The following TTN variants were observed in gnomAD, a reference collection of about 807,000 sequenced individuals.
The protein encoded by TTN is connectin.
TTN carries 1,525 observed loss-of-function variants against 3,223.0 expected under a neutral mutation model. The ratio of observed to expected loss-of-function variants is 0.47; its 90% CI spans 0.45 to 0.49. TTN has a LOEUF of 0.49. TTN is among the 20% of genes least tolerant of loss of function. The pLI, the probability that TTN is intolerant of heterozygous loss-of-function variation, is 0.00. For synonymous variants in TTN, 14,094 were observed against 15,161.0 expected (o/e 0.93, Z 5.17); for missense variants, 40,786 against 43,424.0 (o/e 0.94, Z 5.40).
rs1686725786 is a variant in TTN at position 178,527,112 on chromosome 2, A to G, written c.107876T>C (p.Met35959Thr). 1 of 1,614,010 alleles carries G rather than the reference A, an allele frequency of 6.2e-7. No homozygotes were observed. The highest frequency in any genetic ancestry group is 1.7e-5 in the Admixed American group (1 of 60,028). ...NTDDLTTLIIMDVQKQDGGLY... is the reference protein window; with the variant it reads ...NTDDLTTLIITDVQKQDGGLY... ...TCCACCATCTTGTTTCTGTACGTCC[A>G]TGATGATCAGGGTTGTCAGGTCATC... Residue 35959 changes from methionine to threonine, a missense_variant, in exon 363 of 363, where the codon ATG becomes ACG. Physicochemically the swap from Met to Thr is moderately conservative, Grantham distance 81 (BLOSUM62 -1). Coordinates refer to ENST00000589042, the MANE Select transcript of TTN (RefSeq NM_001267550.2).
intron 157 of TTN, 98 bp from the exon 158 acceptor site, chr2:178,669,773 A>C: frequency 1.7e-6 from 2 of 1,164,892 alleles, no homozygotes; most frequent in Non-Finnish European, 2.5e-6. Context: ...GAACGCCAAA[A>C]ACCCCTCAAT....
chr2:178,564,041 A>G lies in TTN; in HGVS notation c.82091T>C (p.Val27364Ala), dbSNP rs981687121. 6 of 1,613,638 alleles carry G rather than the reference A, an allele frequency of 3.7e-6. No individual in the cohort carries two copies. In the African/African-American group the frequency reaches 8.0e-5, roughly 22 times the overall value. Residue 27364 changes from valine to alanine, a missense_variant, in exon 326 of 363, where the codon GTA becomes GCA. By Grantham distance (64) the Val-to-Ala change is moderately conservative. Transcript: ENST00000589042. ...VGGTKSIPIT[V>A]KVLDRPGPPE... ...AGGCCCTGGCCTGTCAAGTACCTTT[A>G]CAGTGATGGGTATAGACTTTGTACC...
chr2:178,565,358 CTTG>C lies in TTN; in HGVS notation c.80771_80773del (p.Thr26924del), dbSNP rs1705358099. 1.9e-6 allele frequency: 3 copies of C among 1,613,598 alleles called. No homozygotes were observed. The highest frequency in any genetic ancestry group is 2.5e-6 in the Non-Finnish European group (3 of 1,179,662). On this transcript the variant is annotated inframe_deletion, in exon 326 of 363. Transcript: ENST00000589042. ...GGTAGCTGTTTCTTCAACGTTTACTCTTGTTGTCTGTTTAAGAGGCTCACCATC... is the reference window on the plus strand; with the variant it reads ...GGTAGCTGTTTCTTCAACGTTTACTCTTGTCTGTTTAAGAGGCTCACCATC...
At chr2:178,767,985 C>A in intron 39 of TTN, 29 bp downstream of exon 39, 1 of 1,614,064 alleles carries the variant, frequency 6.2e-7, no homozygotes, top group Non-Finnish European at 8.5e-7. Flanking sequence ...CTGGGAATTA[C>A]TGGAATGTAG....
At chr2:178,721,276 A>C in intron 78 of TTN, 74 bp from the exon 79 acceptor site, 1 of 1,246,294 alleles carries the variant, frequency 8.0e-7, no homozygotes, top group Non-Finnish European at 1.0e-6. Context: ...TTGTAGCTGA[A>C]GATCCCATAA....
chr2:178,702,112 A>G, intron 108 of TTN, 46 bp from the exon 109 acceptor site: 2 of 1,613,482 alleles, frequency 1.2e-6, no homozygotes, highest in Non-Finnish European at 1.7e-6. Context: ...AGAATGGTAT[A>G]GGTAGGCTAC....
In TTN at chr2:178,756,807, C is replaced by G. The variant is rs397517832; in HGVS notation, c.10679-10G>C. ...CTATCTAGGGCTTGCACTGTATAATCAAGTGACAAGAAAAAGAAAAGAATA... is the reference window on the plus strand; with the variant it reads ...CTATCTAGGGCTTGCACTGTATAATGAAGTGACAAGAAAAAGAAAAGAATA... On this transcript the variant is annotated splice_polypyrimidine_tract_variant and intron_variant, in intron 45 of 362. Transcript: ENST00000589042. 4.4e-6 allele frequency: 7 copies of G among 1,606,148 alleles called. No homozygotes were observed. In the African/African-American group the frequency reaches 8.1e-5, roughly 18 times the overall value.
In TTN at chr2:178,564,985, A is replaced by G. The variant is rs765706611; in HGVS notation, c.81147T>C (p.Ala27049=). 10 of 1,611,988 alleles carry G rather than the reference A, an allele frequency of 6.2e-6. No homozygotes were observed. In the African/African-American group the frequency reaches 1.3e-4, roughly 22 times the overall value. The change falls in exon 326 of 363, where the codon GCT becomes GCC. Residue 27049 remains alanine (A), a synonymous_variant. Coordinates refer to ENST00000589042, the MANE Select transcript of TTN (RefSeq NM_001267550.2). ...GGGCACTTTTTCCATACCTGTTTTC[A>G]GCAAAAATTCTAAACTGGTACTCCG... is the stretch of plus-strand genomic sequence containing the variant. The part of the protein sequence containing the change: ...TGTEYQFRIF[A]ENRYGKSAPL...
intron 218 of TTN, among the ~76,000 whole-genome samples, chr2:178,643,231 T>C (rs1344036124): frequency 6.6e-6 from 1 of 152,056 alleles, no homozygotes; most frequent in Non-Finnish European, 1.5e-5. Flanking sequence ...TAAAACTTCC[T>C]ATTTAGGGCT....
Position 178,756,235 on chromosome 2 carries a change from T to A in TTN, c.11241A>T (p.Leu3747=). The part of the protein sequence containing the change: ...DCGERTTSAV[L]SVEGAPESIL... The stretch of plus-strand genomic sequence containing the variant: ...AAATCAATTAACCACCTTCTACACT[T>A]AGTACTGCTGACGTTGTCCTCTCTC... The change falls in exon 46 of 363, where the codon CTA becomes CTT. Residue 3747 remains leucine, a synonymous_variant. Transcript: ENST00000589042. The A allele has an allele frequency of 6.2e-7, 1 of 1,609,802 alleles. No individual in the cohort carries two copies. The highest frequency in any genetic ancestry group is 8.5e-7 in the Non-Finnish European group (1 of 1,176,834).
Position 178,696,714 on chromosome 2 carries a change from T to A in TTN, c.30802+407A>T, listed in dbSNP as rs183315615. 1.1e-3 allele frequency among the ~76,000 whole-genome samples: 165 copies of A among 152,232 alleles called. 1 individual carries two copies. Among genetic ancestry groups the A allele is most frequent in the African/African-American group, 3.8e-3 (156 of 41,572 alleles). On this transcript the variant is annotated intron_variant, in intron 113 of 362. Transcript: ENST00000589042. ...CTAGGTTTTTGACTATTGCATATGA[T>A]CCCTTAGTCAGTTTCATAAAAACAA...
intron 257 of TTN, 124 bp from the exon 258 acceptor site, chr2:178,615,912 T>A: frequency 8.9e-7 from 1 of 1,117,634 alleles, no homozygotes; most frequent in Non-Finnish European, 1.2e-6. Flanking sequence ...TATTCTTACA[T>A]TAATTTCATA....
intron 21 of TTN, among the ~76,000 whole-genome samples, chr2:178,780,460 A>T (rs535446202): frequency 6.6e-6 from 1 of 152,322 alleles, no homozygotes; most frequent in Non-Finnish European, 1.5e-5. Context: ...TCTACCACGG[A>T]GGACTTCCTA....
chr2:178,712,156 T>C lies in TTN; in HGVS notation c.27674A>G (p.Gln9225Arg), dbSNP rs2076750199. The C allele has an allele frequency of 1.9e-6, 3 of 1,613,818 alleles. No homozygotes were observed. The highest frequency in any genetic ancestry group is 2.5e-6 in the Non-Finnish European group (3 of 1,179,784). ...TTCAGGGGTTCCAGCAAGCTGGCAT[T>C]GTAGAGAGGCAGAATCTCCAACAGA... The part of the protein sequence containing the change: ...KVSVGDSASL[Q>R]CQLAGTPEIG... Residue 9225 changes from glutamine (Q) to arginine (R), a missense_variant, in exon 96 of 363, where the codon CAA becomes CGA. Transcript: ENST00000589042.
At chr2:178,675,359 CTT>C (rs563332904) in intron 149 of TTN, 1,022 of 320,512 alleles carry the variant, frequency 3.2e-3, no homozygotes, top group East Asian at 4.1e-3. Flanking sequence ...TTTCTTTTGT[CTT>C]TTTTTTTTTT....
At position 178,747,918 on chromosome 2, in the gene TTN, G is replaced by C. The variant is rs779033177; in HGVS notation, c.11311+5206C>G. On this transcript the variant is annotated intron_variant, in intron 47 of 362. Coordinates refer to ENST00000589042, the MANE Select transcript of TTN (RefSeq NM_001267550.2). ...ATCAAGAGTGGGAAGCACTGACTCA[G>C]GGAGAGCTGTCTATGGAGTGTGTCA... The C allele has an allele frequency of 2.5e-6, 4 of 1,613,012 alleles. No homozygotes were observed. The Admixed American group carries it at 5.0e-5, about 20-fold the overall frequency.
chr2:178,750,341 T>C, intron 47 of TTN: 1 of 1,613,230 alleles, frequency 6.2e-7, no homozygotes. Context: ...TCCATATTGG[T>C]TAAATAGCAC....
rs767063292 is a variant in TTN at position 178,731,662 on chromosome 2, A to G, written c.17182+31T>C. The G allele has an allele frequency of 3.8e-6, 6 of 1,582,234 alleles. No individual in the cohort carries two copies. In the South Asian group the frequency reaches 7.0e-5, roughly 18 times the overall value. ...AAAAAAAAGAATTGACTCTTCAGAA[A>G]AGCCAGTCCCTCACTGGAACCAACA... On this transcript the variant is annotated intron_variant, in intron 58 of 362. Coordinates refer to ENST00000589042, the MANE Select transcript of TTN (RefSeq NM_001267550.2).
chr2:178,757,454 T>G, intron 45 of TTN, 88 bp downstream of exon 45: 5 of 1,450,398 alleles, frequency 3.4e-6, no homozygotes, highest in Non-Finnish European at 4.5e-6. Context: ...CAGTATGCAA[T>G]AAAACAAACA....
Sources: allele counts gnomAD v4.1 joint callset (sites outside exome capture counted in the v4.1 genomes callset), GRCh38; gene constraint gnomAD v4.1.1; transcripts MANE v1.5; gene names NCBI Gene and HGNC (gene_info 2026-07-23, HGNC 2026-07-21).